OOEP: variants seen among roughly 807,000 people sequenced by gnomAD.
OOEP encodes oocyte expressed protein.
OOEP carries 16 observed loss-of-function variants against 13.7 expected under a neutral mutation model. The observed-to-expected ratio is 1.16, with a 90% CI of 0.79 to 1.77. The LOEUF (loss-of-function observed/expected upper bound fraction) is 1.77. Among genes scored for constraint, OOEP ranks in the 40% most tolerant of loss-of-function variants. OOEP has a pLI of 0.00. For missense variants in OOEP, 195 were observed against 193.1 expected (o/e 1.01, Z -0.06); for synonymous variants, 89 against 77.1 (o/e 1.15, Z -0.81).
chr6:73,392,312 CTTTT>C (rs1285923785), intron 2 of OOEP, among the ~76,000 whole-genome samples: 3 of 151,872 alleles, frequency 2.0e-5, no homozygotes, highest in African/African-American at 7.3e-5. Flanking sequence ...GTTTTTTTAT[CTTTT>C]TTTTGAGATG....
rs1465591620 is a variant in OOEP, at chr6:73,368,693, A to G, written c.*91T>C. 4 of 812,584 alleles carry G rather than the reference A, an allele frequency of 4.9e-6. No individual in the cohort carries two copies. The highest frequency in any genetic ancestry group is 3.4e-5 in the African/African-American group (2 of 59,428). 50.3% of individuals were successfully genotyped at this position (812,584 alleles called of 1,614,324 possible). A position where few individuals can be genotyped will look rare whatever the true frequency, so the allele number is the denominator to read the frequency against. On this transcript the variant is annotated 3_prime_UTR_variant, in exon 3 of 3. Coordinates refer to ENST00000370359, the MANE Select transcript of OOEP (RefSeq NM_001080507.3). ...CCATCAAGACACAGGAAAAAGGAAT[A>G]CGGGGATTTAAGAATGCTATACTTG...
chr6:73,395,083 G>A (rs774162904), exon 1 of OOEP: 34 of 1,614,184 alleles, frequency 2.1e-5, no homozygotes, highest in Non-Finnish European at 2.6e-5. Context: ...GCCCCCGGAG[G>A]CCGTGGCCGC....
Position 73,368,834 on chromosome 6 carries a change from A to G in OOEP, c.400T>C (p.Leu134=). 3 of 1,613,746 alleles carry G rather than the reference A, an allele frequency of 1.9e-6. No homozygotes were observed. The highest frequency in any genetic ancestry group is 2.5e-6 in the Non-Finnish European group (3 of 1,179,664). The change falls in exon 3 of 3, where the codon TTG becomes CTG. Residue 134 remains leucine (L), a synonymous_variant. Coordinates refer to ENST00000370359, the MANE Select transcript of OOEP (RefSeq NM_001080507.3). ...TGGGGGTCTGATGCATGGGCCTTCAAGTTCTTCTCAAGGTGTTTCATCTTC... is the reference window on the plus strand; with the variant it reads ...TGGGGGTCTGATGCATGGGCCTTCAGGTTCTTCTCAAGGTGTTTCATCTTC... ...AEKMKHLEKN[L]KAHASDPHSP...
At chr6:73,390,114 G>A (rs920158445) in intron 2 of OOEP, among the ~76,000 whole-genome samples, 2 of 152,108 alleles carry the variant, frequency 1.3e-5, no homozygotes, top group Non-Finnish European at 2.9e-5. Context: ...GGGAGGCAGA[G>A]GTTGTGCTGA....
rs1562276327 is a variant in OOEP, at chr6:73,368,862, A to G, written c.372T>C (p.Ala124=). The change falls in exon 3 of 3, where the codon GCT becomes GCC. Residue 124 remains alanine, a splice_region_variant and synonymous_variant. Coordinates refer to ENST00000370359, the MANE Select transcript of OOEP (RefSeq NM_001080507.3). ...AWFHREHRAR[A]EKMKHLEKNL... is the part of the protein sequence containing the mutation. ...TCTTCTCAAGGTGTTTCATCTTCTCAGCTGGAAGAGAAGCAGTTGATACTA... is the reference window on the plus strand; with the variant it reads ...TCTTCTCAAGGTGTTTCATCTTCTCGGCTGGAAGAGAAGCAGTTGATACTA... The G allele has an allele frequency of 6.2e-7, 1 of 1,611,050 alleles. No individual in the cohort carries two copies. Among genetic ancestry groups the G allele is most frequent in the African/African-American group, 1.3e-5 (1 of 74,996 alleles).
chr6:73,394,745 C>T (rs1262149011), exon 1 of OOEP: 4 of 1,026,330 alleles, frequency 3.9e-6, no homozygotes, highest in African/African-American at 3.2e-5. Context: ...GAAATCAGTG[C>T]GAAGTGGGCG....
upstream of OOEP, chr6:73,373,368 A>G: frequency 8.6e-7 from 1 of 1,166,142 alleles, no homozygotes; most frequent in Non-Finnish European, 1.3e-6. Context: ...TCTGTCACCC[A>G]GGCTAGAGTG....
chr6:73,381,217 A>G (rs142251514), intron 2 of OOEP, among the ~76,000 whole-genome samples: 17 of 110,904 alleles, frequency 1.5e-4, no homozygotes, highest in African/African-American at 4.4e-4. Context: ...AAAAAAAAAA[A>G]AAAAAAAAAA....
chr6:73,369,107 G>T (rs13215660), intron 2 of OOEP, 99 bp downstream of exon 2: 4 of 1,333,240 alleles, frequency 3.0e-6, no homozygotes, highest in South Asian at 2.9e-5. Flanking sequence ...TGGAAACCAA[G>T]AAATTTTGAG....
At chr6:73,369,969 A>G (rs567722856), upstream of OOEP, 118 of 602,608 alleles carry the variant, frequency 2.0e-4, 2 homozygotes, top group South Asian at 2.2e-3. Context: ...TAGCGGCACC[A>G]TTGGACACTT....
intron 2 of OOEP, among the ~76,000 whole-genome samples, chr6:73,393,073 T>C (rs898860901): frequency 5.3e-5 from 8 of 151,780 alleles, no homozygotes; most frequent in Non-Finnish European, 1.5e-5. Flanking sequence ...CCTGGCCTGG[T>C]GTCCACTGTG....
intron 2 of OOEP, among the ~76,000 whole-genome samples, chr6:73,381,138 A>G (rs1390020680): frequency 6.6e-6 from 1 of 151,262 alleles, no homozygotes; most frequent in African/African-American, 2.4e-5. Flanking sequence ...CAGCCTGGAC[A>G]ACAAGAGTGA....
At chr6:73,389,775 A>G (rs978961351) in intron 2 of OOEP, among the ~76,000 whole-genome samples, 2 of 152,216 alleles carry the variant, frequency 1.3e-5, no homozygotes, top group South Asian at 2.1e-4. Context: ...CAGCACACCA[A>G]CATGGCACAT....
chr6:73,395,031 A>T (rs910454786), exon 1 of OOEP: 1 of 1,614,200 alleles, frequency 6.2e-7, no homozygotes, highest in East Asian at 2.2e-5. Context: ...GTCCTGAGGG[A>T]TATAGTGTCG....
chr6:73,379,884 A>G lies in OOEP; in HGVS notation c.26-10499T>C, dbSNP rs1231544873. On this transcript the variant is annotated intron_variant, in intron 2 of 3. Transcript: ENST00000370363. ...ATTACAGGCATCAGCCACCATGCCC[A>G]GCCTCATATCCTATTCCAAATTAAA... Among the ~76,000 whole-genome samples the G allele has an allele frequency of 2.0e-5, 3 of 152,152 alleles. No individual in the cohort carries two copies. The East Asian group carries it at 5.8e-4, about 29-fold the overall frequency.
intron 2 of OOEP, among the ~76,000 whole-genome samples, chr6:73,384,399 C>CA (rs749917559): frequency 1.3e-5 from 2 of 152,168 alleles, no homozygotes; most frequent in African/African-American, 2.4e-5. Context: ...CAAACTCTTC[C>CA]AAAAAACAGA....
chr6:73,371,786 C>G (rs943426537), upstream of OOEP, among the ~76,000 whole-genome samples: 6 of 151,204 alleles, frequency 4.0e-5, no homozygotes, highest in African/African-American at 1.5e-4. Flanking sequence ...AAAATTTGGC[C>G]AGTGTGTGGT....
intron 2 of OOEP, among the ~76,000 whole-genome samples, chr6:73,376,344 G>GTTTTTTTTTTTTTTT (rs70994194): frequency 4.8e-5 from 5 of 103,526 alleles, no homozygotes; most frequent in East Asian, 5.9e-4. Flanking sequence ...ACAAGGGGTT[G>GTTTTTTTTTTTTTTT]TTTTTTTTTT....
chr6:73,369,094 G>A (rs1769002022), intron 2 of OOEP, 112 bp downstream of exon 2: 2 of 1,156,074 alleles, frequency 1.7e-6, no homozygotes, highest in South Asian at 1.5e-5. Flanking sequence ...GCTCCCTGGG[G>A]TCTGGAAACC....
Sources: gnomAD v4.1 joint callset for allele counts (sites outside exome capture counted in the v4.1 genomes callset) on GRCh38, gnomAD v4.1.1 for gene constraint, MANE v1.5 for transcripts, NCBI Gene and HGNC (gene_info 2026-07-23, HGNC 2026-07-21) for gene names.